Variants in DTNB observed in about 807,000 individuals in gnomAD.
DTNB encodes the protein dystrobrevin beta.
A neutral mutation model predicts 90.7 loss-of-function variants in DTNB; 63 were observed. The ratio of observed to expected loss-of-function variants is 0.69; its 90% CI spans 0.57 to 0.86. DTNB has a LOEUF of 0.86. Among genes scored for constraint, DTNB ranks in the 40% least tolerant of loss-of-function variants. The probability of loss-of-function intolerance (pLI) is 0.00; values close to 1 mark genes in which losing one functional copy is unlikely to be tolerated. For synonymous variants in DTNB, 277 were observed against 286.7 expected, an observed-to-expected ratio of 0.97 and a Z score of 0.34; for missense variants, 744 against 807.1, an observed-to-expected ratio of 0.92 and a Z score of 0.95.
chr2:25,416,133 C>T (rs955350283), intron 16 of DTNB, among the ~76,000 whole-genome samples: 2 of 152,178 alleles, frequency 1.3e-5, no homozygotes, highest in Non-Finnish European at 2.9e-5. Flanking sequence ...TGAATTAAAT[C>T]GTAGGACACC....
Position 25,404,955 on chromosome 2 carries a change from G to A in DTNB, c.1575+14560C>T, listed in dbSNP as rs141146072. Reference sequence around the variant, plus strand: ...ATTTTTTTTGTTTCTTATTTTTTGAGACAAGAGTTTTGCTCTGTCTGGAGT... The same window carrying A: ...ATTTTTTTTGTTTCTTATTTTTTGAAACAAGAGTTTTGCTCTGTCTGGAGT... On this transcript the variant is annotated intron_variant, in intron 16 of 20. Transcript: ENST00000406818. Among the ~76,000 whole-genome samples, 276 of 152,174 alleles carry A rather than the reference G, an allele frequency of 1.8e-3. 1 individual carries two copies. The highest frequency in any genetic ancestry group is 3.2e-3 in the Non-Finnish European group (216 of 67,994).
intron 8 of DTNB, among the ~76,000 whole-genome samples, chr2:25,569,395 A>T (rs2059499088): frequency 6.6e-6 from 1 of 152,190 alleles, no homozygotes; most frequent in Non-Finnish European, 1.5e-5. Flanking sequence ...TGAATACAAA[A>T]ATTAATATTT....
At chr2:25,523,630 G>C (rs988780167) in intron 9 of DTNB, among the ~76,000 whole-genome samples, 1 of 131,720 alleles carries the variant, frequency 7.6e-6, no homozygotes, top group African/African-American at 3.1e-5. Context: ...GACAGAGCAA[G>C]ACTCTGTCTC....
At chr2:25,393,042 C>T (rs1337484037) in intron 16 of DTNB, among the ~76,000 whole-genome samples, 1 of 152,174 alleles carries the variant, frequency 6.6e-6, no homozygotes, top group African/African-American at 2.4e-5. Context: ...CCACCATGAT[C>T]AAGTGGGTTT....
chr2:25,630,632 G>A (rs924672937), intron 3 of DTNB, among the ~76,000 whole-genome samples: 28 of 152,086 alleles, frequency 1.8e-4, no homozygotes, highest in Non-Finnish European at 1.3e-4. Context: ...ATCACTTGAG[G>A]TTGGGAGTTC....
intron 16 of DTNB, among the ~76,000 whole-genome samples, chr2:25,402,135 C>T (rs925394179): frequency 1.2e-4 from 19 of 152,164 alleles, no homozygotes; most frequent in African/African-American, 3.6e-4. Context: ...TGGTGGTGAC[C>T]ATGCTAGGAA....
chr2:25,459,396 C>T (rs757084758), intron 10 of DTNB, among the ~76,000 whole-genome samples: 12 of 151,910 alleles, frequency 7.9e-5, no homozygotes, highest in Non-Finnish European at 1.5e-4. Context: ...TTTTTCATTT[C>T]GGACGTTATC....
chr2:25,641,025 C>T (rs1280823048), intron 2 of DTNB, among the ~76,000 whole-genome samples: 3 of 152,110 alleles, frequency 2.0e-5, no homozygotes, highest in Non-Finnish European at 4.4e-5. Flanking sequence ...ATAATACTTT[C>T]GGAAAATGAT....
At chr2:25,537,475 G>A (rs1462099379) in intron 8 of DTNB, among the ~76,000 whole-genome samples, 1 of 152,152 alleles carries the variant, frequency 6.6e-6, no homozygotes, top group East Asian at 1.9e-4. Context: ...AGCTTGGTAT[G>A]TATGGGAAGG....
At chr2:25,536,704 G>A (rs921390131) in intron 8 of DTNB, among the ~76,000 whole-genome samples, 2 of 152,172 alleles carry the variant, frequency 1.3e-5, no homozygotes, top group South Asian at 2.1e-4. Context: ...GGTAGAAAGA[G>A]GGAGACAGAG....
intron 6 of DTNB, among the ~76,000 whole-genome samples, chr2:25,595,436 T>A (rs572299292): frequency 8.5e-5 from 13 of 152,352 alleles, no homozygotes; most frequent in Non-Finnish European, 1.3e-4. Context: ...AGTTTAACAT[T>A]AAGCTTCTTT....
In DTNB at chr2:25,607,406, T is replaced by C. The variant is rs1040724949; in HGVS notation, c.363-85A>G. 5.4e-6 allele frequency: 7 copies of C among 1,295,056 alleles called. No individual in the cohort carries two copies. The East Asian group carries it at 1.3e-4, about 24-fold the overall frequency. The allele number at this position is 1,295,056 out of a possible 1,614,324, so 80.2% of individuals were successfully genotyped here. ...TATCACTAAATACTGAGCAACCCAG[T>C]AAGTTGATTCCTGACCTTGTCTGTT... On this transcript the variant is annotated intron_variant, in intron 4 of 20. Coordinates refer to ENST00000406818, the MANE Select transcript of DTNB (RefSeq NM_021907.5).
At chr2:25,456,502 C>T (rs1249540269) in intron 10 of DTNB, among the ~76,000 whole-genome samples, 1 of 152,208 alleles carries the variant, frequency 6.6e-6, no homozygotes, top group Non-Finnish European at 1.5e-5. Flanking sequence ...AAAGTCCCCA[C>T]TTTGCAAATG....
At chr2:25,655,840 C>G (rs537458199) in intron 1 of DTNB, among the ~76,000 whole-genome samples, 1 of 152,102 alleles carries the variant, frequency 6.6e-6, no homozygotes, top group South Asian at 2.1e-4. Flanking sequence ...CTGACATACA[C>G]GCCTGTCAGG....
chr2:25,408,538 C>CAAAAAAAAAAAAAAAAAAAAAAAAA (rs11395783), intron 16 of DTNB, among the ~76,000 whole-genome samples: 6 of 32,734 alleles, frequency 1.8e-4, no homozygotes, highest in African/African-American at 5.6e-4. Flanking sequence ...GACTCCATCT[C>CAAAAAAAAAAAAAAAAAAAAAAAAA]AAAAAAAAAA....
chr2:25,413,449 T>A (rs1008971610), intron 16 of DTNB, among the ~76,000 whole-genome samples: 3 of 125,610 alleles, frequency 2.4e-5, no homozygotes, highest in Non-Finnish European at 4.8e-5. Flanking sequence ...CGGTGTGTGA[T>A]GTTCCCCTTC....
intron 9 of DTNB, among the ~76,000 whole-genome samples, chr2:25,521,239 T>C (rs2076076892): frequency 6.6e-6 from 1 of 152,090 alleles, no homozygotes; most frequent in Non-Finnish European, 1.5e-5. Context: ...AGAGCAGGGG[T>C]TGGCAAACTT....
At chr2:25,528,034 T>C (rs112354292) in intron 9 of DTNB, among the ~76,000 whole-genome samples, 1 of 152,148 alleles carries the variant, frequency 6.6e-6, no homozygotes, top group Admixed American at 6.5e-5. Context: ...AACCTAGCAG[T>C]GTATTCAAAC....
chr2:25,486,354 C>G (rs1050606499), intron 9 of DTNB, among the ~76,000 whole-genome samples: 11 of 152,090 alleles, frequency 7.2e-5, no homozygotes. Context: ...GTCCCAGCTA[C>G]TCAGGAGGCT....
Sources: allele counts gnomAD v4.1 joint callset (sites outside exome capture counted in the v4.1 genomes callset), GRCh38; gene constraint gnomAD v4.1.1; transcripts MANE v1.5; gene names NCBI Gene and HGNC (gene_info 2026-07-23, HGNC 2026-07-21).